The following PPP2R5E variants were observed in gnomAD, a reference collection of about 807,000 sequenced individuals.
PPP2R5E encodes the protein serine/threonine-protein phosphatase 2A 56 kDa regulatory subunit epsilon isoform.
A neutral mutation model predicts 65.3 loss-of-function variants in PPP2R5E; 4 were observed. The ratio of observed to expected loss-of-function variants is 0.06; its 90% CI spans 0.03 to 0.14. PPP2R5E has a LOEUF of 0.14. PPP2R5E is among the 10% of genes least tolerant of loss of function. PPP2R5E has a pLI of 1.00. For missense variants in PPP2R5E, 274 were observed against 556.1 expected, an observed-to-expected ratio of 0.49 and a Z score of 5.10; for synonymous variants, 183 against 187.4, an observed-to-expected ratio of 0.98 and a Z score of 0.19.
At chr14:63,497,241 C>T (rs879327407) in intron 2 of PPP2R5E, among the ~76,000 whole-genome samples, 3 of 152,032 alleles carry the variant, frequency 2.0e-5, no homozygotes, top group Non-Finnish European at 2.9e-5. Flanking sequence ...TTTCCTTTCC[C>T]TTCAAAAAAC....
chr14:63,379,818 T>TTC lies in PPP2R5E; in HGVS notation c.1304+2236_1304+2237dup, dbSNP rs770094217. On this transcript the variant is annotated intron_variant, in intron 13 of 13. Coordinates refer to ENST00000337537, the MANE Select transcript of PPP2R5E (RefSeq NM_006246.5). ...AGTGGAAATAAGTTGTTCTTCAATA[T>TTC]TCTCTCTCTTTTTTTTTTTTTTTTT... 5.4e-3 allele frequency among the ~76,000 whole-genome samples: 636 copies of TTC among 117,022 alleles called. 53 individuals carry two copies. Among genetic ancestry groups the TTC allele is most frequent in the African/African-American group, 0.031 (555 of 18,116 alleles). The allele number at this position is 117,022 out of a possible 152,430, so 76.8% of individuals were successfully genotyped here. A position where few individuals can be genotyped will look rare whatever the true frequency, so the allele number is the denominator to read the frequency against.
intron 1 of PPP2R5E, among the ~76,000 whole-genome samples, chr14:63,541,487 A>T (rs200342997): frequency 6.6e-6 from 1 of 152,252 alleles, no homozygotes; most frequent in African/African-American, 2.4e-5. Flanking sequence ...GAAAGTAACA[A>T]GCGTTAAGCT....
intron 7 of PPP2R5E, among the ~76,000 whole-genome samples, chr14:63,394,308 C>T (rs78990403): frequency 0.013 from 1,943 of 152,130 alleles, 62 homozygotes; most frequent in East Asian, 0.12. Context: ...TGGTCTAGAA[C>T]TCTTAACTGC....
chr14:63,378,536 G>C (rs1884121153), intron 13 of PPP2R5E, among the ~76,000 whole-genome samples: 1 of 152,076 alleles, frequency 6.6e-6, no homozygotes, highest in Non-Finnish European at 1.5e-5. Context: ...TATCCTGTTG[G>C]GCTTTTCCTC....
In PPP2R5E at chr14:63,393,879, G is replaced by A. The variant is rs1885172870; in HGVS notation, c.790C>T (p.Leu264=). 1 of 1,612,212 alleles carries A rather than the reference G, an allele frequency of 6.2e-7. No individual in the cohort carries two copies. The highest frequency in any genetic ancestry group is 1.3e-5 in the African/African-American group (1 of 74,970). ...LPLKAEHKQF[L]VKVLIPLHTV... is the part of the protein sequence containing the mutation. ...TGTAAAGGGATCAATACTTTCACCA[G>A]AAACTGTTTGTGTTCTGCCTTAAGA... Residue 264 remains leucine (L), a synonymous_variant, in exon 8 of 14, where the codon CTG becomes TTG. Transcript: ENST00000337537.
intron 3 of PPP2R5E, among the ~76,000 whole-genome samples, chr14:63,424,966 T>C (rs1887252483): frequency 6.6e-6 from 1 of 152,200 alleles, no homozygotes; most frequent in African/African-American, 2.4e-5. Flanking sequence ...CCGTATCTAT[T>C]GGACTTGGTG....
At chr14:63,468,476 A>G (rs1007749045) in intron 2 of PPP2R5E, among the ~76,000 whole-genome samples, 1 of 152,220 alleles carries the variant, frequency 6.6e-6, no homozygotes, top group Non-Finnish European at 1.5e-5. Context: ...CTATCAGTAC[A>G]TGCATCAGCA....
At chr14:63,485,477 C>T (rs534609716) in intron 2 of PPP2R5E, among the ~76,000 whole-genome samples, 131 of 152,258 alleles carry the variant, frequency 8.6e-4, no homozygotes, top group African/African-American at 2.9e-3. Flanking sequence ...TGCAACAGCA[C>T]GATCTCGGCT....
intron 13 of PPP2R5E, 32 bp downstream of exon 13, chr14:63,382,024 G>GCACA (rs1174810992): frequency 6.5e-7 from 1 of 1,547,344 alleles, no homozygotes; most frequent in Non-Finnish European, 8.9e-7. Context: ...ATAGCTTTAT[G>GCACA]CACAGCTGAC....
intron 2 of PPP2R5E, among the ~76,000 whole-genome samples, chr14:63,474,375 A>AG (rs1295082030): frequency 1.3e-5 from 2 of 152,158 alleles, no homozygotes; most frequent in Non-Finnish European, 2.9e-5. Flanking sequence ...CAAGTAAAAG[A>AG]GGGAAGAAAT....
chr14:63,491,924 CAT>C (rs1491412138), intron 2 of PPP2R5E, among the ~76,000 whole-genome samples: 1 of 152,040 alleles, frequency 6.6e-6, no homozygotes, highest in Non-Finnish European at 1.5e-5. Context: ...TTTAAAATTA[CAT>C]ATGTGTCCTA....
At chr14:63,388,927 T>C (rs530521761) in intron 11 of PPP2R5E, among the ~76,000 whole-genome samples, 1 of 152,290 alleles carries the variant, frequency 6.6e-6, no homozygotes, top group South Asian at 2.1e-4. Context: ...GCTCCCCCAG[T>C]TTACCCTTCT....
intron 3 of PPP2R5E, among the ~76,000 whole-genome samples, chr14:63,447,535 G>A (rs370370439): frequency 1.3e-5 from 2 of 152,224 alleles, no homozygotes; most frequent in East Asian, 1.9e-4. Context: ...CATAAGGAAC[G>A]TTGTGGCTGG....
At chr14:63,479,791 T>A (rs1408952178) in intron 2 of PPP2R5E, among the ~76,000 whole-genome samples, 1 of 152,042 alleles carries the variant, frequency 6.6e-6, no homozygotes, top group African/African-American at 2.4e-5. Context: ...ATATATGCAA[T>A]AAAAGATTAG....
At chr14:63,406,554 G>A (rs972138660) in intron 5 of PPP2R5E, among the ~76,000 whole-genome samples, 3 of 152,252 alleles carry the variant, frequency 2.0e-5, no homozygotes, top group Middle Eastern at 3.4e-3. Flanking sequence ...TACTGGGAGC[G>A]GATTGGCAGC....
intron 2 of PPP2R5E, among the ~76,000 whole-genome samples, chr14:63,502,360 C>A (rs1315103404): frequency 2.0e-5 from 3 of 152,112 alleles, no homozygotes; most frequent in African/African-American, 7.2e-5. Context: ...CCATGAGGAC[C>A]CCACAGAAGG....
chr14:63,379,893 G>A (rs1884231318), intron 13 of PPP2R5E, among the ~76,000 whole-genome samples: 1 of 130,862 alleles, frequency 7.6e-6, no homozygotes. Context: ...GGAGTACAGT[G>A]GCATGATCTT....
At chr14:63,439,412 T>C (rs1455503268) in intron 3 of PPP2R5E, among the ~76,000 whole-genome samples, 1 of 152,142 alleles carries the variant, frequency 6.6e-6, no homozygotes, top group Non-Finnish European at 1.5e-5. Flanking sequence ...TTTGCTCTTG[T>C]TGCCCAGGCT....
chr14:63,532,784 GTA>G (rs1893492073), intron 2 of PPP2R5E, among the ~76,000 whole-genome samples: 1 of 152,182 alleles, frequency 6.6e-6, no homozygotes, highest in Admixed American at 6.5e-5. Flanking sequence ...ATGCGACAAT[GTA>G]TCACGACATG....
Sources: gnomAD v4.1 joint callset for allele counts (sites outside exome capture counted in the v4.1 genomes callset) on GRCh38, gnomAD v4.1.1 for gene constraint, MANE v1.5 for transcripts, NCBI Gene and HGNC (gene_info 2026-07-23, HGNC 2026-07-21) for gene names.